DDX59: variants seen among roughly 807,000 people sequenced by gnomAD.
The protein encoded by DDX59 is probable ATP-dependent RNA helicase DDX59.
DDX59 carries 30 observed loss-of-function variants against 51.9 expected under a neutral mutation model. That is an observed-to-expected ratio of 0.58 (90% confidence interval 0.43 to 0.78). The LOEUF (loss-of-function observed/expected upper bound fraction) is 0.78. Among genes scored for constraint, DDX59 ranks in the 30% least tolerant of loss-of-function variants. DDX59 has a pLI of 0.00. For synonymous variants in DDX59, 255 were observed against 253.3 expected, an observed-to-expected ratio of 1.01 and a Z score of -0.06; for missense variants, 672 against 730.8, an observed-to-expected ratio of 0.92 and a Z score of 0.93.
At chr1:200,654,115 A>G (rs890108352) in intron 4 of DDX59, among the ~76,000 whole-genome samples, 1 of 152,204 alleles carries the variant, frequency 6.6e-6, no homozygotes, top group African/African-American at 2.4e-5. Flanking sequence ...CTCTCTGAAG[A>G]TAAGAATCAC....
intron 1 of DDX59, among the ~76,000 whole-genome samples, chr1:200,669,060 T>C (rs1662976420): frequency 6.6e-6 from 1 of 152,216 alleles, no homozygotes; most frequent in South Asian, 2.1e-4. Flanking sequence ...TCACTGGCCA[T>C]GGTCACTTGA....
chr1:200,644,913 A>C (rs1334053218), intron 7 of DDX59, among the ~76,000 whole-genome samples: 1 of 151,698 alleles, frequency 6.6e-6, no homozygotes, highest in African/African-American at 2.4e-5. Flanking sequence ...AAAAAAAAAA[A>C]AAAAGGAGCT....
chr1:200,645,286 C>CT (rs57257315), intron 7 of DDX59, among the ~76,000 whole-genome samples: 25 of 149,422 alleles, frequency 1.7e-4, no homozygotes, highest in African/African-American at 4.2e-4. Flanking sequence ...AGTTATTTGT[C>CT]TTTTTTTTTT....
chr1:200,651,944 C>T (rs1661689035), intron 4 of DDX59, among the ~76,000 whole-genome samples: 1 of 145,534 alleles, frequency 6.9e-6, no homozygotes, highest in South Asian at 2.1e-4. Context: ...AGAGGCGGAG[C>T]TTGCAGTGAG....
At chr1:200,643,315 G>A (rs1037559721), downstream of DDX59, among the ~76,000 whole-genome samples, 1 of 151,924 alleles carries the variant, frequency 6.6e-6, no homozygotes, top group Non-Finnish European at 1.5e-5. Flanking sequence ...TACATATCCT[G>A]TAAATGCTGT....
Position 200,656,923 on chromosome 1 carries a change from T to C in DDX59, c.1062+2104A>G, listed in dbSNP as rs145785480. 5.3e-5 allele frequency among the ~76,000 whole-genome samples: 8 copies of C among 151,864 alleles called. No individual in the cohort carries two copies. In the East Asian group the frequency reaches 1.6e-3, roughly 29 times the overall value. On this transcript the variant is annotated intron_variant, in intron 4 of 7. Transcript: ENST00000331314. ...TTAAAAACAAAGAGAGAAATGAGGA[T>C]GAATGGAAACTAACCTTAAAATCCA...
intron 4 of DDX59, among the ~76,000 whole-genome samples, chr1:200,653,493 C>T (rs1661802168): frequency 6.6e-6 from 1 of 152,140 alleles, no homozygotes; most frequent in African/African-American, 2.4e-5. Flanking sequence ...AATCCCGTCA[C>T]CCCCATCCCA....
At chr1:200,668,990 T>C (rs1662971872) in intron 1 of DDX59, among the ~76,000 whole-genome samples, 1 of 152,198 alleles carries the variant, frequency 6.6e-6, no homozygotes, top group Admixed American at 6.5e-5. Flanking sequence ...CTAAAATAGA[T>C]AAAACCAAGC....
intron 2 of DDX59, 93 bp downstream of exon 2, chr1:200,665,844 G>A (rs1662690174): frequency 3.0e-6 from 4 of 1,347,518 alleles, no homozygotes; most frequent in Non-Finnish European, 4.0e-6. Flanking sequence ...TTTAGTTTTA[G>A]TCTGCAATTT....
chr1:200,659,039 C>G lies in DDX59; in HGVS notation c.1050G>C (p.Val350=). The change falls in exon 4 of 8, where the codon GTG becomes GTC. Residue 350 remains valine (V), a synonymous_variant. Transcript: ENST00000331314. ...TACCACTACTTACTTCATCTACTACCACAATCTTTACACCACAGAGTTCTA... is the reference window on the plus strand; with the variant it reads ...TACCACTACTTACTTCATCTACTACGACAATCTTTACACCACAGAGTTCTA... The part of the protein sequence containing the change: ...SSVELCGVKI[V]VVDEADTMLK... 1.2e-6 allele frequency: 2 copies of G among 1,611,536 alleles called. No homozygotes were observed. Among genetic ancestry groups the G allele is most frequent in the Non-Finnish European group, 1.7e-6 (2 of 1,178,912 alleles).
At chr1:200,650,727 ACCACCCCC>A (rs1474640223) in intron 4 of DDX59, 51 bp from the exon 5 acceptor site, 3 of 1,467,922 alleles carry the variant, frequency 2.0e-6, no homozygotes, top group Admixed American at 2.3e-5. Flanking sequence ...AAAACCCAGA[ACCACCCCC>A]AAAAAAGACT....
chr1:200,651,939 C>T (rs1186498312), intron 4 of DDX59, among the ~76,000 whole-genome samples: 2 of 141,302 alleles, frequency 1.4e-5, no homozygotes, highest in East Asian at 2.2e-4. Context: ...ACCCGAGAGG[C>T]GGAGCTTGCA....
At chr1:200,651,867 G>A (rs1661682725) in intron 4 of DDX59, among the ~76,000 whole-genome samples, 1 of 152,002 alleles carries the variant, frequency 6.6e-6, no homozygotes, top group African/African-American at 2.4e-5. Context: ...AATTAGCCGG[G>A]CATGGTGGCG....
At chr1:200,651,013 T>G (rs1661625126) in intron 4 of DDX59, among the ~76,000 whole-genome samples, 2 of 152,106 alleles carry the variant, frequency 1.3e-5, no homozygotes. Flanking sequence ...AGCCCTTTAT[T>G]AAATAATGAA....
intron 7 of DDX59, among the ~76,000 whole-genome samples, chr1:200,647,441 T>C (rs1661358939): frequency 6.6e-6 from 1 of 152,170 alleles, no homozygotes; most frequent in East Asian, 1.9e-4. Context: ...AAACGATCTT[T>C]TTAAACAAAA....
rs539356316 is a variant in DDX59, at chr1:200,666,537, C to T, written c.204G>A (p.Gln68=). The T allele has an allele frequency of 2.5e-6, 4 of 1,614,122 alleles. No individual in the cohort carries two copies. The highest frequency in any genetic ancestry group is 3.4e-6 in the Non-Finnish European group (4 of 1,180,056). ...ESCPFPSPGG[Q]LAEVHSVSPE... is the part of the protein sequence containing the mutation. ...GACTTACTGAATGAACCTCTGCCAA[C>T]TGGCCACCTGGGCTGGGGAAAGGGC... is the stretch of plus-strand genomic sequence containing the variant. The change falls in exon 2 of 8, where the codon CAG becomes CAA. Residue 68 remains glutamine (Q), a synonymous_variant. Coordinates refer to ENST00000331314, the MANE Select transcript of DDX59 (RefSeq NM_001031725.6).
chr1:200,666,994 C>T lies in DDX59; in HGVS notation c.-11-243G>A, dbSNP rs1330750110. Among the ~76,000 whole-genome samples, 5 of 151,272 alleles carry T rather than the reference C, an allele frequency of 3.3e-5. No homozygotes were observed. In the East Asian group the frequency reaches 7.8e-4, roughly 24 times the overall value. Reference sequence around the variant, plus strand: ...ATGGTGGCATGTGCCTGTAATCCCACCTATTCGGGAGGCTGAGGCAGGAGA... The same window carrying T: ...ATGGTGGCATGTGCCTGTAATCCCATCTATTCGGGAGGCTGAGGCAGGAGA... On this transcript the variant is annotated intron_variant, in intron 1 of 7. Coordinates refer to ENST00000331314, the MANE Select transcript of DDX59 (RefSeq NM_001031725.6).
downstream of DDX59, among the ~76,000 whole-genome samples, chr1:200,641,598 G>A (rs979310154): frequency 6.6e-6 from 1 of 152,212 alleles, no homozygotes; most frequent in African/African-American, 2.4e-5. Context: ...GCTGGGTGTG[G>A]TGGCTCACGC....
intron 3 of DDX59, among the ~76,000 whole-genome samples, chr1:200,662,572 C>G (rs1333361746): frequency 1.3e-5 from 2 of 152,134 alleles, no homozygotes; most frequent in African/African-American, 2.4e-5. Context: ...AGAAGAATCG[C>G]TTGAACCTGG....
Sources: allele counts gnomAD v4.1 joint callset (sites outside exome capture counted in the v4.1 genomes callset), GRCh38; gene constraint gnomAD v4.1.1; transcripts MANE v1.5; gene names NCBI Gene and HGNC (gene_info 2026-07-23, HGNC 2026-07-21).